Variants in AFF3 observed in about 807,000 individuals in gnomAD.
AFF3 encodes AF4/FMR2 family member 3.
AFF3 carries 32 observed loss-of-function variants against 129.7 expected under a neutral mutation model. The observed-to-expected ratio is 0.25, with a 90% CI of 0.19 to 0.33. The LOEUF is 0.33. AFF3 is among the 10% of genes least tolerant of loss of function. The pLI is 1.00. For missense variants in AFF3, 1,373 were observed against 1,592.0 expected (o/e 0.86, Z 2.34); for synonymous variants, 644 against 635.4 (o/e 1.01, Z -0.20).
intron 13 of AFF3, among the ~76,000 whole-genome samples, chr2:99,623,669 C>T (rs1430422136): frequency 2.0e-5 from 3 of 152,200 alleles, no homozygotes; most frequent in Non-Finnish European, 4.4e-5. Flanking sequence ...GGGAGAGGCT[C>T]GTCCCCCTGC....
chr2:99,840,644 T>C (rs1204624890), intron 7 of AFF3, among the ~76,000 whole-genome samples: 1 of 152,226 alleles, frequency 6.6e-6, no homozygotes, highest in African/African-American at 2.4e-5. Context: ...CACATACTTA[T>C]TACAAGCTTT....
rs1491301328 is a variant in AFF3 at position 99,867,574 on chromosome 2, ATT to A, written c.874-30052_874-30051del. Among the ~76,000 whole-genome samples, 516 of 68,152 alleles carry A rather than the reference ATT, an allele frequency of 7.6e-3. 5 individuals carry two copies. Among genetic ancestry groups the A allele is most frequent in the Non-Finnish European group, 9.5e-3 (336 of 35,286 alleles). The allele number at this position is 68,152 out of a possible 152,430, so 44.7% of individuals were successfully genotyped here. On this transcript the variant is annotated intron_variant, in intron 7 of 24. Transcript: ENST00000672756. ...GTCTCCCCAAGGCCTATATTTCTAT[ATT>A]AAAAAAAAAAAAAAAAACATAGCTG...
intron 8 of AFF3, among the ~76,000 whole-genome samples, chr2:99,820,157 G>A (rs905178147): frequency 3.9e-5 from 6 of 152,130 alleles, no homozygotes; most frequent in Non-Finnish European, 7.4e-5. Context: ...GGGTGAATTC[G>A]TCGTTGTGCA....
intron 7 of AFF3, among the ~76,000 whole-genome samples, chr2:99,948,338 A>C (rs115454870): frequency 0.014 from 2,131 of 151,822 alleles, 15 homozygotes; most frequent in Non-Finnish European, 0.02. Context: ...AGTTTTGAAG[A>C]CTCCTACCCT....
Position 99,903,564 on chromosome 2 carries a change from T to G in AFF3, c.874-66040A>C, listed in dbSNP as rs551360693. 2.5e-3 allele frequency among the ~76,000 whole-genome samples: 375 copies of G among 152,312 alleles called. 1 individual carries two copies. The highest frequency in any genetic ancestry group is 3.0e-3 in the Non-Finnish European group (204 of 68,016). On this transcript the variant is annotated intron_variant, in intron 7 of 24. Coordinates refer to ENST00000672756, the MANE Select transcript of AFF3 (RefSeq NM_001386135.1). ...AGAAATTGGAATATCAATAATAAAC[T>G]ATTTACAGACTTCCATCACATAGAT...
chr2:100,091,345 G>A (rs377335993), intron 4 of AFF3, among the ~76,000 whole-genome samples: 3 of 152,150 alleles, frequency 2.0e-5, no homozygotes, highest in South Asian at 2.1e-4. Context: ...GCCATCAAAC[G>A]TTAGGACAAC....
At chr2:99,637,891 T>A (rs1372327770) in intron 13 of AFF3, among the ~76,000 whole-genome samples, 1 of 152,216 alleles carries the variant, frequency 6.6e-6, no homozygotes, top group Non-Finnish European at 1.5e-5. Flanking sequence ...TATGTTGTCC[T>A]TGGTCTAGAA....
intron 12 of AFF3, among the ~76,000 whole-genome samples, chr2:99,659,797 T>C (rs1686066883): frequency 6.6e-6 from 1 of 152,106 alleles, no homozygotes; most frequent in South Asian, 2.1e-4. Context: ...ATTTAGGTTC[T>C]GCTTGGACAA....
At chr2:99,591,790 C>A (rs985738463) in intron 15 of AFF3, among the ~76,000 whole-genome samples, 1 of 152,222 alleles carries the variant, frequency 6.6e-6, no homozygotes, top group Non-Finnish European at 1.5e-5. Flanking sequence ...AGCCAGACAG[C>A]CTGGGTTAAT....
At chr2:99,676,184 C>T (rs1291030409) in intron 11 of AFF3, among the ~76,000 whole-genome samples, 1 of 152,126 alleles carries the variant, frequency 6.6e-6, no homozygotes, top group Non-Finnish European at 1.5e-5. Flanking sequence ...CCAGGGCCAC[C>T]CCTTTCACGT....
chr2:99,955,632 A>G (rs1676568452), intron 7 of AFF3, among the ~76,000 whole-genome samples: 1 of 152,238 alleles, frequency 6.6e-6, no homozygotes, highest in South Asian at 2.1e-4. Context: ...AGCACAGTCT[A>G]ATATTGAAGA....
At chr2:99,841,824 C>T (rs979032802) in intron 7 of AFF3, among the ~76,000 whole-genome samples, 3 of 152,204 alleles carry the variant, frequency 2.0e-5, no homozygotes, top group African/African-American at 7.2e-5. Flanking sequence ...TCATTGAGTT[C>T]TCTACTATCT....
At chr2:100,126,234 G>A (rs1289551991) in intron 2 of AFF3, among the ~76,000 whole-genome samples, 10 of 152,176 alleles carry the variant, frequency 6.6e-5, no homozygotes, top group African/African-American at 2.2e-4. Context: ...GGTTTAGCAC[G>A]GAGGCAGAGA....
intron 7 of AFF3, among the ~76,000 whole-genome samples, chr2:99,847,605 G>A (rs1266049178): frequency 2.0e-5 from 3 of 151,870 alleles, no homozygotes; most frequent in Non-Finnish European, 4.4e-5. Context: ...AACAAGGTGC[G>A]TGTCCCAGTA....
At chr2:100,057,314 C>CT (rs2105196580) in intron 4 of AFF3, among the ~76,000 whole-genome samples, 1 of 111,072 alleles carries the variant, frequency 9.0e-6, no homozygotes, top group African/African-American at 3.5e-5. Context: ...GAGCAAGACT[C>CT]TGTCTCAAAA....
chr2:99,729,794 G>T (rs972002873), intron 10 of AFF3, among the ~76,000 whole-genome samples: 1 of 132,852 alleles, frequency 7.5e-6, no homozygotes, highest in Non-Finnish European at 1.6e-5. Context: ...TCCAAAGACA[G>T]CTGTCTCCAG....
At chr2:99,834,378 A>C (rs1688715635) in intron 8 of AFF3, among the ~76,000 whole-genome samples, 1 of 152,206 alleles carries the variant, frequency 6.6e-6, no homozygotes, top group South Asian at 2.1e-4. Flanking sequence ...TGTGAGGGTT[A>C]AATCACAGCT....
intron 13 of AFF3, among the ~76,000 whole-genome samples, chr2:99,630,214 A>T (rs1245262995): frequency 6.6e-6 from 1 of 152,174 alleles, no homozygotes; most frequent in Non-Finnish European, 1.5e-5. Flanking sequence ...CAAAGATAAC[A>T]CTGGAAGCAT....
chr2:100,070,163 G>A (rs1469905854), intron 4 of AFF3, among the ~76,000 whole-genome samples: 3 of 152,054 alleles, frequency 2.0e-5, no homozygotes, highest in Admixed American at 6.6e-5. Context: ...CTGGATTTCT[G>A]TATTCCTAGT....
Sources: gnomAD v4.1 joint callset for allele counts (sites outside exome capture counted in the v4.1 genomes callset) on GRCh38, gnomAD v4.1.1 for gene constraint, MANE v1.5 for transcripts, NCBI Gene and HGNC (gene_info 2026-07-23, HGNC 2026-07-21) for gene names.